Variants in ITGB5 observed in about 807,000 individuals in gnomAD.
The protein encoded by ITGB5 is integrin subunit beta 5.
Under a neutral mutation model 84.8 loss-of-function variants are expected in ITGB5, and 38 were observed. The observed-to-expected ratio is 0.45, with a 90% CI of 0.35 to 0.59. The LOEUF (loss-of-function observed/expected upper bound fraction) is 0.59, where lower values mean the gene tolerates loss of function less well. Ranked by LOEUF, ITGB5 falls within the 20% of genes least tolerant of loss-of-function variation. The pLI is 0.01. For synonymous variants in ITGB5, 393 were observed against 414.4 expected (o/e 0.95, Z 0.63); for missense variants, 905 against 1,034.5 (o/e 0.87, Z 1.72).
intron 3 of ITGB5, among the ~76,000 whole-genome samples, chr3:124,853,371 G>C (rs533359550): frequency 6.6e-6 from 1 of 152,110 alleles, no homozygotes; most frequent in African/African-American, 2.4e-5. Flanking sequence ...TTGCCTCACT[G>C]GTTTAGAACA....
chr3:124,816,558 T>A (rs1010426910), intron 8 of ITGB5, among the ~76,000 whole-genome samples: 9 of 152,156 alleles, frequency 5.9e-5, no homozygotes, highest in African/African-American at 2.2e-4. Flanking sequence ...AGCAGGTGGG[T>A]AGGCAATGGA....
intron 1 of ITGB5, among the ~76,000 whole-genome samples, chr3:124,874,306 GAAAAAAAAAAA>G (rs59287818): frequency 2.6e-5 from 3 of 113,392 alleles, no homozygotes; most frequent in Non-Finnish European, 5.2e-5. Context: ...TCAAAAGCCG[GAAAAAAAAAAA>G]AAAAAAAAAG....
Position 124,764,463 on chromosome 3 carries a change from C to T in ITGB5, c.2232G>A (p.Leu744=), listed in dbSNP as rs1166857760. The T allele has an allele frequency of 2.5e-6, 4 of 1,613,994 alleles. No homozygotes were observed. In the East Asian group the frequency reaches 6.7e-5, roughly 27 times the overall value. The part of the protein sequence containing the change: ...VGLALLAIWK[L]LVTIHDRREF... ...CCCTCCGGTCGTGGATGGTGACAAG[C>T]AGCTTCCAGATAGCCAGGAGTGCAA... is the stretch of plus-strand genomic sequence containing the variant. Residue 744 remains leucine (L), a synonymous_variant, in exon 14 of 15, where the codon CTG becomes CTA. Transcript: ENST00000296181.
At chr3:124,768,852 C>A (rs2150926116) in intron 12 of ITGB5, among the ~76,000 whole-genome samples, 161 bp downstream of exon 12, 1 of 152,314 alleles carries the variant, frequency 6.6e-6, no homozygotes, top group East Asian at 1.9e-4. Context: ...ATTCTACATT[C>A]CCATCAGCTG....
At chr3:124,841,667 T>A (rs968294030) in intron 4 of ITGB5, 116 bp from the exon 5 acceptor site, 8 of 911,036 alleles carry the variant, frequency 8.8e-6, no homozygotes, top group Admixed American at 7.2e-5. Context: ...ACCCAGCACC[T>A]ACCACATGCC....
chr3:124,857,506 G>T (rs1025909864), intron 3 of ITGB5, among the ~76,000 whole-genome samples: 2 of 152,140 alleles, frequency 1.3e-5, no homozygotes, highest in Non-Finnish European at 2.9e-5. Flanking sequence ...CCAGATCCAT[G>T]ATCTTTCCAC....
chr3:124,884,471 C>T (rs13079799), intron 1 of ITGB5, among the ~76,000 whole-genome samples: 1 of 151,826 alleles, frequency 6.6e-6, no homozygotes, highest in Non-Finnish European at 1.5e-5. Context: ...GAGGCCGAGG[C>T]GGGCGGATCA....
chr3:124,849,512 G>A (rs2065124037), intron 3 of ITGB5, among the ~76,000 whole-genome samples: 1 of 151,990 alleles, frequency 6.6e-6, no homozygotes, highest in South Asian at 2.1e-4. Context: ...TGATGTTTTG[G>A]GACATCACAG....
intron 5 of ITGB5, among the ~76,000 whole-genome samples, chr3:124,823,776 A>G (rs1211065423): frequency 6.6e-6 from 1 of 152,106 alleles, no homozygotes; most frequent in African/African-American, 2.4e-5. Flanking sequence ...TGCTTGGGAA[A>G]TAAAATACAA....
intron 1 of ITGB5, among the ~76,000 whole-genome samples, chr3:124,875,252 T>C (rs1269255347): frequency 2.6e-5 from 4 of 151,896 alleles, no homozygotes; most frequent in African/African-American, 9.7e-5. Context: ...CCGAGGTGGG[T>C]GGATCACCTA....
At chr3:124,894,446 A>G (rs1006285669) in intron 1 of ITGB5, 15 of 152,028 alleles carry the variant, frequency 9.9e-5, no homozygotes, top group Admixed American at 7.9e-4. Context: ...GCATTTTTCA[A>G]TTAAGTTGGC....
At chr3:124,803,820 C>T (rs750509936) in intron 9 of ITGB5, among the ~76,000 whole-genome samples, 14 of 152,172 alleles carry the variant, frequency 9.2e-5, no homozygotes, top group Non-Finnish European at 2.1e-4. Context: ...ACCAAGAAGC[C>T]GGATAAAGGT....
At position 124,809,043 on chromosome 3, in the gene ITGB5, C is replaced by T. The variant is rs746009454; in HGVS notation, c.1242G>A (p.Glu414=). 3.1e-6 allele frequency: 5 copies of T among 1,613,992 alleles called. No individual in the cohort carries two copies. The African/African-American group carries it at 5.3e-5, about 17-fold the overall frequency. The part of the protein sequence containing the change: ...GVSYPGQRKC[E]GLKIGDTASF... Reference sequence around the variant, plus strand: ...TTACCGTGTCCCCAATCTTCAGACCCTCACACTTCCTCTGACCAGGATAGG... The same window carrying T: ...TTACCGTGTCCCCAATCTTCAGACCTTCACACTTCCTCTGACCAGGATAGG... Residue 414 remains glutamate, a synonymous_variant, in exon 9 of 15, where the codon GAG becomes GAA. Coordinates refer to ENST00000296181, the MANE Select transcript of ITGB5 (RefSeq NM_002213.5).
chr3:124,785,540 G>A (rs892207843), intron 10 of ITGB5, among the ~76,000 whole-genome samples: 11 of 148,624 alleles, frequency 7.4e-5, no homozygotes, highest in South Asian at 2.1e-4. Flanking sequence ...AGCCAAGATC[G>A]TGCCACTGCA....
intron 1 of ITGB5, among the ~76,000 whole-genome samples, chr3:124,898,536 C>T (rs1211141187): frequency 5.0e-5 from 7 of 138,714 alleles, no homozygotes; most frequent in South Asian, 2.4e-4. Context: ...CCCAGCTACT[C>T]GGGAGGCTGA....
chr3:124,793,845 C>T (rs2064183253), intron 10 of ITGB5, among the ~76,000 whole-genome samples: 1 of 152,230 alleles, frequency 6.6e-6, no homozygotes, highest in South Asian at 2.1e-4. Flanking sequence ...TGCAATGACA[C>T]TGCTAAGTCC....
chr3:124,801,546 T>C (rs561071770), intron 9 of ITGB5, among the ~76,000 whole-genome samples: 35 of 152,308 alleles, frequency 2.3e-4, no homozygotes, highest in African/African-American at 8.2e-4. Context: ...GAGGTCCATC[T>C]GGCTGCCCCT....
chr3:124,860,702 T>C (rs1358893036), intron 2 of ITGB5, among the ~76,000 whole-genome samples: 1 of 152,232 alleles, frequency 6.6e-6, no homozygotes, highest in Non-Finnish European at 1.5e-5. Flanking sequence ...CCTATGAGTC[T>C]TTCTGGAGGA....
At chr3:124,889,057 G>A (rs1934935143), upstream of ITGB5, among the ~76,000 whole-genome samples, 1 of 152,158 alleles carries the variant, frequency 6.6e-6, no homozygotes, top group Admixed American at 6.5e-5. Flanking sequence ...GCTGGGAACC[G>A]TGTCAGGCAA....
Sources: gnomAD v4.1 joint callset for allele counts (sites outside exome capture counted in the v4.1 genomes callset) on GRCh38, gnomAD v4.1.1 for gene constraint, MANE v1.5 for transcripts, NCBI Gene and HGNC (gene_info 2026-07-23, HGNC 2026-07-21) for gene names.